Variants in EVC observed in about 807,000 individuals in gnomAD.
EVC encodes the protein EvC ciliary complex subunit 1.
A neutral mutation model predicts 118.9 loss-of-function variants in EVC; 116 were observed. That is an observed-to-expected ratio of 0.98 (90% CI 0.84 to 1.14). The LOEUF (loss-of-function observed/expected upper bound fraction) is 1.14, where lower values mean the gene tolerates loss of function less well. Ranked by LOEUF, EVC falls within the 50% of genes most tolerant of loss-of-function variation. The pLI, the probability that EVC is intolerant of heterozygous loss-of-function variation, is 0.00. For missense variants in EVC, 1,401 were observed against 1,246.4 expected (o/e 1.12, Z -1.87); for synonymous variants, 619 against 534.7 (o/e 1.16, Z -2.18).
chr4:5,810,523 T>G (rs1371120558), intron 20 of EVC, 73 bp downstream of exon 20: 3 of 1,152,134 alleles, frequency 2.6e-6, no homozygotes, highest in African/African-American at 1.5e-5. Flanking sequence ...GTGCCAAAAG[T>G]CAGGGCAGGA....
chr4:5,739,427 G>T (rs1560310498), intron 5 of EVC, among the ~76,000 whole-genome samples: 1 of 152,106 alleles, frequency 6.6e-6, no homozygotes, highest in South Asian at 2.1e-4. Context: ...GAGGCAAGTG[G>T]CCCCTGCAAG....
rs535012160 is a variant in EVC, at chr4:5,797,091, C to A, written c.1956C>A (p.Arg652=). ...CAGCCCTCCGGAGGCTGGCACTCCG[C>A]GGCAACGCCCTGGCCACCCTGACGC... ...LRSALRRLAL[R]GNALATLTQM... The change falls in exon 14 of 21, where the codon CGC becomes CGA. Residue 652 remains arginine, a synonymous_variant. Coordinates refer to ENST00000264956, the MANE Select transcript of EVC (RefSeq NM_153717.3). The A allele has an allele frequency of 1.2e-6, 2 of 1,613,390 alleles. No individual in the cohort carries two copies. Among genetic ancestry groups the A allele is most frequent in the African/African-American group, 1.3e-5 (1 of 74,958 alleles).
At chr4:5,774,019 G>A (rs1734371331) in intron 11 of EVC, among the ~76,000 whole-genome samples, 1 of 151,972 alleles carries the variant, frequency 6.6e-6, no homozygotes, top group Non-Finnish European at 1.5e-5. Flanking sequence ...TGCATCTTCA[G>A]CCCTGGCCAC....
chr4:5,750,347 C>G (rs575545577), intron 8 of EVC, among the ~76,000 whole-genome samples: 121 of 152,330 alleles, frequency 7.9e-4, no homozygotes, highest in African/African-American at 2.7e-3. Context: ...ACATCCTTAG[C>G]TGACTCTGGC....
intron 11 of EVC, among the ~76,000 whole-genome samples, chr4:5,779,021 G>A (rs1735176601): frequency 6.6e-6 from 1 of 152,130 alleles, no homozygotes; most frequent in African/African-American, 2.4e-5. Flanking sequence ...TTTTGTATAA[G>A]GTGTAAGGAA....
downstream of EVC, among the ~76,000 whole-genome samples, chr4:5,817,492 A>G (rs1309563141): frequency 6.6e-6 from 1 of 152,224 alleles, no homozygotes; most frequent in Non-Finnish European, 1.5e-5. Context: ...TTTACTCTGA[A>G]GCCAGGTGCA....
chr4:5,752,595 G>GT lies in EVC; in HGVS notation c.1099-240dup, dbSNP rs997332441. 5.2e-5 allele frequency: 31 copies of GT among 594,906 alleles called. No homozygotes were observed. In the Admixed American group the frequency reaches 8.3e-4, roughly 16 times the overall value. The allele number at this position is 594,906 out of a possible 1,614,324, so 36.9% of individuals were successfully genotyped here. A position where few individuals can be genotyped will look rare whatever the true frequency, so the allele number is the denominator to read the frequency against. On this transcript the variant is annotated intron_variant, in intron 8 of 20. Coordinates refer to ENST00000264956, the MANE Select transcript of EVC (RefSeq NM_153717.3). ...TCTGGGGAGCGCTACTGGTGACTAA[G>GT]TGCCTACATGCTAAGCTGCGTCAGC...
rs147304924 is a variant in EVC at position 5,730,061 on chromosome 4, G to T, written c.384+671G>T. Among the ~76,000 whole-genome samples the T allele has an allele frequency of 2.6e-5, 4 of 152,294 alleles. No individual in the cohort carries two copies. In the East Asian group the frequency reaches 7.7e-4, roughly 29 times the overall value. On this transcript the variant is annotated intron_variant, in intron 3 of 20. Coordinates refer to ENST00000264956, the MANE Select transcript of EVC (RefSeq NM_153717.3). ...GCTTTCTTGGTATTCAGGATGACGA[G>T]CTCTGGAGTCACAGCATCTCAGTCC...
intron 18 of EVC, 72 bp downstream of exon 18, chr4:5,808,399 G>A: frequency 6.2e-7 from 1 of 1,605,502 alleles, no homozygotes; most frequent in Non-Finnish European, 8.5e-7. Flanking sequence ...AAGCCAGCCT[G>A]TGACCACACG....
chr4:5,758,539 C>G (rs1731530613), intron 11 of EVC, among the ~76,000 whole-genome samples: 1 of 152,126 alleles, frequency 6.6e-6, no homozygotes, highest in Admixed American at 6.5e-5. Flanking sequence ...CCCTGGGGCC[C>G]ACAGACAGGA....
chr4:5,781,772 C>T (rs928287895), intron 11 of EVC, among the ~76,000 whole-genome samples: 4 of 152,166 alleles, frequency 2.6e-5, no homozygotes, highest in South Asian at 2.1e-4. Flanking sequence ...TCCAGGAAGT[C>T]GAGGGTGTGA....
chr4:5,772,121 C>G (rs951851813), intron 11 of EVC, among the ~76,000 whole-genome samples: 3 of 152,190 alleles, frequency 2.0e-5, no homozygotes, highest in Non-Finnish European at 4.4e-5. Flanking sequence ...TGGTCTCAAT[C>G]TCCTGACTTC....
chr4:5,756,381 GA>G lies in EVC; in HGVS notation c.1563+20del. On this transcript the variant is annotated intron_variant, in intron 11 of 20. Coordinates refer to ENST00000264956, the MANE Select transcript of EVC (RefSeq NM_153717.3). This position sits in a 1 kb window ranked among gnomAD's most constrained non-coding sequence, Gnocchi z 4.2. ...CTGCCAGGTACATGGCCTCTGTGGG[GA>G]CCAGCAGAGAAGCCCCAGGGTCTGT... 6.3e-7 allele frequency: 1 copy of G among 1,583,966 alleles called. No individual in the cohort carries two copies. Among genetic ancestry groups the G allele is most frequent in the Non-Finnish European group, 8.6e-7 (1 of 1,160,362 alleles).
In EVC at chr4:5,808,130, TCTCCCTCCCTCCCTCC is replaced by T. The variant is rs1177063514; in HGVS notation, c.2562-56_2562-41del. The stretch of plus-strand genomic sequence containing the variant: ...GGATCAGCAGCCTCCCTGCCTTCCT[TCTCCCTCCCTCCCTCC>T]CTCCCTCCCTCCCTTCCTTCCTCCC... On this transcript the variant is annotated intron_variant, in intron 17 of 20. Transcript: ENST00000264956. 3.2e-5 allele frequency: 10 copies of T among 314,896 alleles called. 3 individuals carry two copies. The highest frequency in any genetic ancestry group is 4.2e-5 in the East Asian group (1 of 23,536). 19.5% of individuals were successfully genotyped at this position (314,896 alleles called of 1,614,324 possible). A position where few individuals can be genotyped will look rare whatever the true frequency, so the allele number is the denominator to read the frequency against.
At position 5,745,187 on chromosome 4, in the gene EVC, T is replaced by G; in HGVS notation, c.802-17T>G. The G allele has an allele frequency of 7.2e-7, 1 of 1,393,582 alleles. No individual in the cohort carries two copies. The highest frequency in any genetic ancestry group is 9.8e-7 in the Non-Finnish European group (1 of 1,024,052). 86.3% of individuals were successfully genotyped at this position (1,393,582 alleles called of 1,614,324 possible). ...TTTCTTTGTTTATTTGCTTTCTTTT[T>G]TCTTCTTCTTCTTCAGGATTTGGAG... On this transcript the variant is annotated splice_polypyrimidine_tract_variant and intron_variant, in intron 6 of 20. Coordinates refer to ENST00000264956, the MANE Select transcript of EVC (RefSeq NM_153717.3).
At chr4:5,776,343 A>C (rs1734717684) in intron 11 of EVC, among the ~76,000 whole-genome samples, 2 of 152,072 alleles carry the variant, frequency 1.3e-5, no homozygotes, top group South Asian at 4.2e-4. Flanking sequence ...ATGTAGCAAA[A>C]AGTGACCCTG....
At chr4:5,732,296 A>G (rs1052778737) in intron 4 of EVC, among the ~76,000 whole-genome samples, 3 of 152,146 alleles carry the variant, frequency 2.0e-5, no homozygotes, top group South Asian at 2.1e-4. Flanking sequence ...CTCTGCTCCA[A>G]AATTCCGCTG....
intron 1 of EVC, among the ~76,000 whole-genome samples, chr4:5,717,960 G>A (rs376920742): frequency 2.0e-5 from 3 of 152,306 alleles, no homozygotes; most frequent in East Asian, 1.9e-4. Context: ...TCTATTCCCA[G>A]TACCTAGAAC....
chr4:5,741,624 GGGGA>G (rs1684978429), intron 5 of EVC, 88 bp from the exon 6 acceptor site: 7 of 723,062 alleles, frequency 9.7e-6, no homozygotes, highest in South Asian at 1.5e-5. Context: ...AGAGGCAGTG[GGGGA>G]GGGAGGGAGA....
Sources: allele counts gnomAD v4.1 joint callset (sites outside exome capture counted in the v4.1 genomes callset), GRCh38; gene constraint gnomAD v4.1.1; non-coding constraint Gnocchi (gnomAD v3.1); transcripts MANE v1.5; gene names NCBI Gene and HGNC (gene_info 2026-07-23, HGNC 2026-07-21).